PCTP: variants seen among roughly 807,000 people sequenced by gnomAD.
The protein encoded by PCTP is START domain-containing protein 2.
PCTP carries 27 observed loss-of-function variants against 31.0 expected under a neutral mutation model. The ratio of observed to expected loss-of-function variants is 0.87; its 90% CI spans 0.64 to 1.20. The LOEUF is 1.20. Among genes scored for constraint, PCTP ranks in the 50% most tolerant of loss-of-function variants. The probability of loss-of-function intolerance (pLI) is 0.00; values close to 1 mark genes in which losing one functional copy is unlikely to be tolerated. For missense variants in PCTP, 287 were observed against 268.2 expected (o/e 1.07, Z -0.49); for synonymous variants, 108 against 101.2 (o/e 1.07, Z -0.40).
intron 3 of PCTP, among the ~76,000 whole-genome samples, chr17:55,807,953 A>T (rs1567726981): frequency 6.6e-6 from 1 of 152,220 alleles, no homozygotes; most frequent in African/African-American, 2.4e-5. Context: ...TAAAGTAGAT[A>T]TTAGCGATAA....
At chr17:55,793,385 G>A (rs575960877) in intron 3 of PCTP, among the ~76,000 whole-genome samples, 24 of 152,094 alleles carry the variant, frequency 1.6e-4, no homozygotes, top group Middle Eastern at 3.4e-3. Context: ...CATACTTAAT[G>A]TTCCGAATTC....
At chr17:55,835,111 T>C (rs1321580667) in intron 5 of PCTP, among the ~76,000 whole-genome samples, 2 of 152,028 alleles carry the variant, frequency 1.3e-5, no homozygotes, top group South Asian at 2.1e-4. Flanking sequence ...ACAAGCTAAG[T>C]AGTCTGGGGC....
chr17:55,758,160 T>C (rs555604482), intron 1 of PCTP, among the ~76,000 whole-genome samples: 1 of 152,206 alleles, frequency 6.6e-6, no homozygotes, highest in Non-Finnish European at 1.5e-5. Flanking sequence ...AATGTTGGAC[T>C]GAAAAGCTCT....
At chr17:55,810,441 C>T (rs189312957) in intron 3 of PCTP, among the ~76,000 whole-genome samples, 179 of 152,328 alleles carry the variant, frequency 1.2e-3, no homozygotes, top group Admixed American at 6.1e-3. Flanking sequence ...ATCTAGAGCC[C>T]GGGCTTTCCC....
chr17:55,779,378 G>T (rs1158670839), downstream of PCTP, among the ~76,000 whole-genome samples: 2 of 152,228 alleles, frequency 1.3e-5, no homozygotes, highest in Non-Finnish European at 1.5e-5. Context: ...TGGAATTGTG[G>T]CTGGATGAAG....
chr17:55,801,285 G>A (rs1056935383), intron 3 of PCTP, among the ~76,000 whole-genome samples: 1 of 152,108 alleles, frequency 6.6e-6, no homozygotes, highest in Admixed American at 6.6e-5. Flanking sequence ...ATACCCCACT[G>A]TCAATATTAG....
chr17:55,774,913 A>G (rs985044793), intron 5 of PCTP, 54 bp downstream of exon 5: 5 of 1,510,334 alleles, frequency 3.3e-6, no homozygotes, highest in Non-Finnish European at 4.6e-6. Context: ...TGTTTGACAA[A>G]TGTTGACTTA....
chr17:55,787,903 C>T (rs545754556), intron 3 of PCTP, among the ~76,000 whole-genome samples: 59 of 152,248 alleles, frequency 3.9e-4, no homozygotes, highest in African/African-American at 1.2e-3. Context: ...CTTCTCGGCA[C>T]ATAGCATTTA....
At chr17:55,789,419 CCTGA>C (rs576641639) in intron 3 of PCTP, among the ~76,000 whole-genome samples, 100 of 152,254 alleles carry the variant, frequency 6.6e-4, no homozygotes, top group Non-Finnish European at 2.9e-4. Flanking sequence ...CCATTAATAT[CCTGA>C]CTAAGTGATC....
chr17:55,773,553 A>G, intron 3 of PCTP, 171 bp from the exon 4 acceptor site: 1 of 578,318 alleles, frequency 1.7e-6, no homozygotes, highest in East Asian at 2.8e-5. Flanking sequence ...TGTGAGGCAC[A>G]GTCTTGCAGT....
Position 55,776,317 on chromosome 17 carries a change from G to A in PCTP, c.*217G>A, listed in dbSNP as rs1911328756. 7.4e-6 allele frequency: 10 copies of A among 1,359,942 alleles called. No individual in the cohort carries two copies. Among genetic ancestry groups the A allele is most frequent in the African/African-American group, 1.5e-5 (1 of 67,926 alleles). 84.2% of individuals were successfully genotyped at this position (1,359,942 alleles called of 1,614,324 possible). On this transcript the variant is annotated 3_prime_UTR_variant, in exon 6 of 6. Coordinates refer to ENST00000268896, the MANE Select transcript of PCTP (RefSeq NM_021213.4). ...TGCCTGACATCCAGCTCACTCGTCTGCTTCCTTTCTCGCTCCCCCCATCCT... is the reference window on the plus strand; with the variant it reads ...TGCCTGACATCCAGCTCACTCGTCTACTTCCTTTCTCGCTCCCCCCATCCT...
downstream of PCTP, among the ~76,000 whole-genome samples, chr17:55,827,089 C>T (rs1417180508): frequency 6.6e-6 from 1 of 151,632 alleles, no homozygotes; most frequent in East Asian, 1.9e-4. Flanking sequence ...TGTATCCAAG[C>T]TCGTTGCAAT....
rs1018428685 is a variant in PCTP, at chr17:55,790,997, G to A, written c.317+3343G>A. Among the ~76,000 whole-genome samples, 294 of 151,656 alleles carry A rather than the reference G, an allele frequency of 1.9e-3. 1 individual carries two copies. Among genetic ancestry groups the A allele is most frequent in the African/African-American group, 6.8e-3 (280 of 41,204 alleles). On this transcript the variant is annotated intron_variant, in intron 3 of 3. Coordinates refer to the PCTP transcript ENST00000572536. ...ACAGAACAGAGCCCTCAGAAATAAC[G>A]CCGCATATCTACAACTATCTGATCT...
At chr17:55,822,338 T>C (rs1051661669) in intron 3 of PCTP, among the ~76,000 whole-genome samples, 10 of 152,192 alleles carry the variant, frequency 6.6e-5, no homozygotes, top group African/African-American at 2.4e-4. Flanking sequence ...TTGGAACACA[T>C]TTCAGGATGT....
exon 4 of PCTP, chr17:55,822,899 T>G: frequency 9.9e-7 from 1 of 1,008,520 alleles, no homozygotes; most frequent in Non-Finnish European, 1.3e-6. Context: ...AGAAGCTGAG[T>G]CTTTGTTGAA....
chr17:55,801,121 C>T (rs1014809522), intron 3 of PCTP, among the ~76,000 whole-genome samples: 3 of 152,196 alleles, frequency 2.0e-5, no homozygotes, highest in African/African-American at 7.2e-5. Flanking sequence ...CTACTTGATG[C>T]ATTACATAAT....
chr17:55,764,814 T>G (rs949400351), intron 1 of PCTP, among the ~76,000 whole-genome samples: 3 of 152,224 alleles, frequency 2.0e-5, no homozygotes, highest in African/African-American at 7.2e-5. Flanking sequence ...TAACACGGCC[T>G]TAGCACATGG....
chr17:55,844,570 G>T (rs1263030591), downstream of PCTP, among the ~76,000 whole-genome samples: 1 of 152,154 alleles, frequency 6.6e-6, no homozygotes, highest in Non-Finnish European at 1.5e-5. Context: ...ATCTGGAGAA[G>T]GGGAGGTAGC....
chr17:55,778,759 T>C (rs2144981948), downstream of PCTP, among the ~76,000 whole-genome samples: 1 of 152,196 alleles, frequency 6.6e-6, no homozygotes, highest in Non-Finnish European at 1.5e-5. Context: ...TTGAATTGAG[T>C]CCGGCTGAGA....
Sources: gnomAD v4.1 joint callset for allele counts (sites outside exome capture counted in the v4.1 genomes callset) on GRCh38, gnomAD v4.1.1 for gene constraint, MANE v1.5 for transcripts, NCBI Gene and HGNC (gene_info 2026-07-23, HGNC 2026-07-21) for gene names.